GMDS: variants seen among roughly 807,000 people sequenced by gnomAD.
GMDS encodes the protein GDP-mannose 4,6 dehydratase.
Under a neutral mutation model 49.9 loss-of-function variants are expected in GMDS, and 20 were observed. That is an observed-to-expected ratio of 0.40 (90% CI 0.28 to 0.58). The LOEUF (loss-of-function observed/expected upper bound fraction) is 0.58, where lower values mean the gene tolerates loss of function less well. Among genes scored for constraint, GMDS ranks in the 20% least tolerant of loss-of-function variants. GMDS has a pLI of 0.42. For missense variants in GMDS, 362 were observed against 481.4 expected (o/e 0.75, Z 2.32); for synonymous variants, 177 against 178.6 (o/e 0.99, Z 0.07).
intron 1 of GMDS, among the ~76,000 whole-genome samples, chr6:2,169,621 CAAAA>C (rs556634869): frequency 1.4e-5 from 1 of 73,732 alleles, no homozygotes; most frequent in African/African-American, 3.3e-5. Context: ...CACCAGGCAG[CAAAA>C]AAAAAAAAAA....
At chr6:1,930,400 T>C (rs912120246) in intron 6 of GMDS, 170 bp from the exon 7 acceptor site, 1 of 532,356 alleles carries the variant, frequency 1.9e-6, no homozygotes. Flanking sequence ...TAACTGTCAT[T>C]TAGACAAGTT....
At chr6:2,064,014 T>G (rs184439701) in intron 4 of GMDS, among the ~76,000 whole-genome samples, 331 of 152,336 alleles carry the variant, frequency 2.2e-3, no homozygotes, top group Non-Finnish European at 4.0e-3. Flanking sequence ...TTGAGTTATC[T>G]AAATAGGTGA....
intron 1 of GMDS, among the ~76,000 whole-genome samples, chr6:2,176,580 T>G (rs562058159): frequency 6.6e-6 from 1 of 152,208 alleles, no homozygotes; most frequent in Non-Finnish European, 1.5e-5. Context: ...TGGCTTAACT[T>G]AGGCAAGGTG....
chr6:2,168,404 C>T (rs556215631), intron 1 of GMDS, among the ~76,000 whole-genome samples: 7 of 152,292 alleles, frequency 4.6e-5, no homozygotes, highest in African/African-American at 1.7e-4. Context: ...AGCAAAAGGT[C>T]ACTTCCCTAC....
chr6:1,986,364 G>A (rs547844074), intron 4 of GMDS, among the ~76,000 whole-genome samples: 10 of 152,216 alleles, frequency 6.6e-5, no homozygotes, highest in South Asian at 2.1e-4. Flanking sequence ...AGGCTGATAC[G>A]TGGTACAACG....
chr6:1,723,210 T>C (rs1025380421), intron 9 of GMDS, among the ~76,000 whole-genome samples: 2 of 152,086 alleles, frequency 1.3e-5, no homozygotes, highest in Non-Finnish European at 2.9e-5. Flanking sequence ...TTTGAGACCA[T>C]TCTGAGTCTT....
At chr6:1,871,336 A>G (rs1189184769) in intron 7 of GMDS, among the ~76,000 whole-genome samples, 4 of 151,728 alleles carry the variant, frequency 2.6e-5, no homozygotes, top group Non-Finnish European at 4.4e-5. Context: ...AAAGAAAAAG[A>G]GTAGGTCATT....
chr6:2,040,277 C>T (rs1373243504), intron 4 of GMDS, among the ~76,000 whole-genome samples: 1 of 152,106 alleles, frequency 6.6e-6, no homozygotes, highest in East Asian at 1.9e-4. Flanking sequence ...CAACACTGGG[C>T]CAATAAGAAC....
At chr6:2,230,471 C>G (rs1781036882) in intron 1 of GMDS, among the ~76,000 whole-genome samples, 1 of 152,090 alleles carries the variant, frequency 6.6e-6, no homozygotes, top group Non-Finnish European at 1.5e-5. Context: ...AGTTGGGCTC[C>G]CAATTATTTC....
intron 6 of GMDS, chr6:1,959,568 A>C (rs564566878): frequency 3.0e-5 from 6 of 202,414 alleles, no homozygotes; most frequent in Non-Finnish European, 5.9e-5. Flanking sequence ...TTGCATTCAT[A>C]TAGTAGCTTC....
At chr6:2,072,029 T>C (rs1772040348) in intron 4 of GMDS, among the ~76,000 whole-genome samples, 1 of 152,164 alleles carries the variant, frequency 6.6e-6, no homozygotes, top group Non-Finnish European at 1.5e-5. Flanking sequence ...GAAACCCACA[T>C]GTGAGTAAGA....
At chr6:1,751,196 T>C (rs1767716471) in intron 7 of GMDS, among the ~76,000 whole-genome samples, 1 of 152,176 alleles carries the variant, frequency 6.6e-6, no homozygotes, top group Non-Finnish European at 1.5e-5. Context: ...GAGCAGCGGA[T>C]CTCCCAGCAC....
At chr6:1,987,071 C>CTG (rs1765596856) in intron 4 of GMDS, among the ~76,000 whole-genome samples, 1 of 152,158 alleles carries the variant, frequency 6.6e-6, no homozygotes. Flanking sequence ...TGGTAGTGCT[C>CTG]TGTGAGTTTG....
intron 1 of GMDS, among the ~76,000 whole-genome samples, chr6:2,198,560 C>CAA (rs749275809): frequency 2.2e-4 from 17 of 78,232 alleles, no homozygotes; most frequent in East Asian, 6.9e-4. Flanking sequence ...AACAAATAAA[C>CAA]AAAAAAAAAA....
intron 4 of GMDS, among the ~76,000 whole-genome samples, chr6:1,962,927 A>C (rs974397898): frequency 1.4e-3 from 195 of 143,704 alleles, no homozygotes; most frequent in African/African-American, 4.9e-3. Context: ...CCCAGGCTGG[A>C]GTGCAATGGC....
intron 9 of GMDS, among the ~76,000 whole-genome samples, chr6:1,707,765 G>C (rs1404234267): frequency 1.3e-5 from 2 of 152,198 alleles, no homozygotes; most frequent in Non-Finnish European, 2.9e-5. Context: ...ACCCAGATTT[G>C]GACGTTGGAA....
intron 1 of GMDS, among the ~76,000 whole-genome samples, chr6:2,145,491 C>T (rs1581709894): frequency 1.3e-5 from 2 of 151,820 alleles, no homozygotes; most frequent in East Asian, 1.9e-4. Flanking sequence ...TGAGCTGGCA[C>T]GGTGCCACTA....
chr6:1,871,062 A>G (rs1276094592), intron 7 of GMDS, among the ~76,000 whole-genome samples: 1 of 144,530 alleles, frequency 6.9e-6, no homozygotes, highest in African/African-American at 2.9e-5. Context: ...CCCCCAGCAC[A>G]CACACACACA....
At chr6:1,642,113 C>G (rs1257716988) in intron 9 of GMDS, among the ~76,000 whole-genome samples, 1 of 151,170 alleles carries the variant, frequency 6.6e-6, no homozygotes, top group African/African-American at 2.4e-5. Flanking sequence ...AAGGGGAGCG[C>G]AGCAAGCCTC....
Sources: gnomAD v4.1 joint callset for allele counts (sites outside exome capture counted in the v4.1 genomes callset) on GRCh38, gnomAD v4.1.1 for gene constraint, MANE v1.5 for transcripts, NCBI Gene and HGNC (gene_info 2026-07-23, HGNC 2026-07-21) for gene names.